Variants in SPATS2L observed in about 807,000 individuals in gnomAD.
SPATS2L encodes spermatogenesis associated serine rich 2 like, also known as SPATS2-like protein.
Under a neutral mutation model 59.6 loss-of-function variants are expected in SPATS2L, and 30 were observed. The ratio of observed to expected loss-of-function variants is 0.50; its 90% confidence interval spans 0.38 to 0.68. SPATS2L has a LOEUF of 0.68. Ranked by LOEUF, SPATS2L falls within the 30% of genes least tolerant of loss-of-function variation. The pLI, the probability that SPATS2L is intolerant of heterozygous loss-of-function variation, is 0.00. For synonymous variants in SPATS2L, 252 were observed against 263.5 expected (o/e 0.96, Z 0.42); for missense variants, 615 against 700.0 (o/e 0.88, Z 1.37).
At chr2:200,394,920 G>A (rs1209528868) in intron 3 of SPATS2L, among the ~76,000 whole-genome samples, 2 of 151,954 alleles carry the variant, frequency 1.3e-5, no homozygotes, top group African/African-American at 2.4e-5. Flanking sequence ...CCTGCTGCAT[G>A]AAATAAAAAA....
chr2:200,456,168 C>G (rs1490458811), intron 8 of SPATS2L, among the ~76,000 whole-genome samples: 1 of 152,184 alleles, frequency 6.6e-6, no homozygotes, highest in East Asian at 1.9e-4. Flanking sequence ...GTTTATCTGC[C>G]CTGGGCTGGC....
chr2:200,323,261 A>G (rs1265869676), intron 1 of SPATS2L, among the ~76,000 whole-genome samples: 1 of 152,156 alleles, frequency 6.6e-6, no homozygotes, highest in East Asian at 1.9e-4. Context: ...CAGCTCTCAA[A>G]TGGAGATAAT....
At chr2:200,412,508 A>C in intron 4 of SPATS2L, 89 bp downstream of exon 4, 2 of 665,092 alleles carry the variant, frequency 3.0e-6, no homozygotes, top group Non-Finnish European at 5.0e-6. Flanking sequence ...CTGAATATCA[A>C]TTCATTATGT....
chr2:200,461,195 A>C (rs114739903), intron 9 of SPATS2L: 1 of 152,342 alleles, frequency 6.6e-6, no homozygotes, highest in Non-Finnish European at 1.5e-5. Flanking sequence ...ACCGCAAAAG[A>C]AAATCAATTC....
chr2:200,383,476 A>G (rs1014693823), intron 2 of SPATS2L, among the ~76,000 whole-genome samples: 1 of 152,214 alleles, frequency 6.6e-6, no homozygotes, highest in Non-Finnish European at 1.5e-5. Flanking sequence ...GACTAGCCAC[A>G]TTCAAATCTG....
intron 5 of SPATS2L, among the ~76,000 whole-genome samples, chr2:200,417,866 T>G (rs571420306): frequency 3.9e-5 from 6 of 152,318 alleles, no homozygotes; most frequent in African/African-American, 1.2e-4. Context: ...ATTCAGCAGG[T>G]GGGACAGGGT....
rs78710318 is a variant in SPATS2L at position 200,419,761 on chromosome 2, G to A, written c.445+265G>A. On this transcript the variant is annotated intron_variant, in intron 6 of 12. Transcript: ENST00000409140. ...GGGTCTTGCTGTGCAAGGCTAGAGT[G>A]CAGTGGTGTGGTCATAGCTCACTGC... Among the ~76,000 whole-genome samples, 713 of 147,596 alleles carry A rather than the reference G, an allele frequency of 4.8e-3. 3 individuals carry two copies. The highest frequency in any genetic ancestry group is 0.017 in the African/African-American group (670 of 39,814).
At chr2:200,425,215 G>GC (rs1471631743) in intron 6 of SPATS2L, among the ~76,000 whole-genome samples, 1 of 144,288 alleles carries the variant, frequency 6.9e-6, no homozygotes, top group Non-Finnish European at 1.5e-5. Flanking sequence ...ATTGTGGTAG[G>GC]CGGTTCCCCA....
At chr2:200,306,319 A>G, upstream of SPATS2L, 2 of 1,002,372 alleles carry the variant, frequency 2.0e-6, no homozygotes, top group Non-Finnish European at 2.4e-6. Flanking sequence ...CTCTTGCAAC[A>G]CGTGCGGATT....
Position 200,433,924 on chromosome 2 carries a change from A to G in SPATS2L, c.446-5198A>G, listed in dbSNP as rs140951109. Among the ~76,000 whole-genome samples, 387 of 152,176 alleles carry G rather than the reference A, an allele frequency of 2.5e-3. 4 individuals carry two copies. The highest frequency in any genetic ancestry group is 9.0e-3 in the African/African-American group (373 of 41,572). On this transcript the variant is annotated intron_variant, in intron 6 of 12. Coordinates refer to ENST00000409140, the MANE Select transcript of SPATS2L (RefSeq NM_001100423.2). ...CAGTTTCAGAAAATAGAAAGAAGGA[A>G]TACTTCCTAACTCATTTTATGAGGC...
At chr2:200,352,058 A>G (rs905381386) in intron 2 of SPATS2L, among the ~76,000 whole-genome samples, 4 of 152,076 alleles carry the variant, frequency 2.6e-5, no homozygotes, top group African/African-American at 7.2e-5. Context: ...TTGAAGAAAG[A>G]GCCAGAGACT....
Position 200,481,937 on chromosome 2 carries a change from C to G in SPATS2L, c.*3906C>G, listed in dbSNP as rs547602381. The G allele has an allele frequency of 6.6e-6, 1 of 152,308 alleles. No individual in the cohort carries two copies. Among genetic ancestry groups the G allele is most frequent in the Admixed American group, 6.5e-5 (1 of 15,282 alleles). The allele number at this position is 152,308 out of a possible 1,614,324, so 9.4% of individuals were successfully genotyped here. A position where few individuals can be genotyped will look rare whatever the true frequency, so the allele number is the denominator to read the frequency against. On this transcript the variant is annotated 3_prime_UTR_variant, in exon 13 of 13. Transcript: ENST00000409140. The stretch of plus-strand genomic sequence containing the variant: ...CCTCGTGATCCACCCCCCTCGGCCT[C>G]CCAAAGTGCTGGGATTACAGGGGTG...
intron 2 of SPATS2L, among the ~76,000 whole-genome samples, chr2:200,364,391 G>A (rs554951076): frequency 6.6e-6 from 1 of 152,200 alleles, no homozygotes; most frequent in East Asian, 1.9e-4. Flanking sequence ...CTTAGCATAG[G>A]GAACATAGTG....
intron 2 of SPATS2L, among the ~76,000 whole-genome samples, chr2:200,369,169 T>G (rs958154174): frequency 6.6e-6 from 1 of 152,116 alleles, no homozygotes; most frequent in Non-Finnish European, 1.5e-5. Context: ...TTTATTTATT[T>G]ATTTTTTGAG....
At chr2:200,307,211 G>C (rs1559025636) in intron 1 of SPATS2L, among the ~76,000 whole-genome samples, 2 of 151,598 alleles carry the variant, frequency 1.3e-5, no homozygotes, top group African/African-American at 2.4e-5. Flanking sequence ...CCCCGGGCGA[G>C]CGTGTGGCCG....
chr2:200,381,754 G>A (rs1454066220), intron 2 of SPATS2L, among the ~76,000 whole-genome samples: 1 of 152,144 alleles, frequency 6.6e-6, no homozygotes, highest in Non-Finnish European at 1.5e-5. Flanking sequence ...CAAAATCAGT[G>A]CTGATTCTTC....
intron 2 of SPATS2L, among the ~76,000 whole-genome samples, chr2:200,360,985 G>GTGTGTA (rs1245907026): frequency 1.3e-5 from 2 of 151,166 alleles, no homozygotes; most frequent in Non-Finnish European, 3.0e-5. Flanking sequence ...GTGTGTGTGT[G>GTGTGTA]TGTGTGTGTG....
chr2:200,388,137 G>T (rs559837143), intron 2 of SPATS2L, among the ~76,000 whole-genome samples: 1 of 152,118 alleles, frequency 6.6e-6, no homozygotes, highest in Admixed American at 6.5e-5. Flanking sequence ...TATCAATCTG[G>T]AATGTTGCTC....
intron 2 of SPATS2L, among the ~76,000 whole-genome samples, chr2:200,348,053 GAT>G (rs1156557173): frequency 6.6e-6 from 1 of 152,170 alleles, no homozygotes; most frequent in Non-Finnish European, 1.5e-5. Context: ...ATGGCTTGCT[GAT>G]ATAGCAGAGG....
Sources: gnomAD v4.1 joint callset for allele counts (sites outside exome capture counted in the v4.1 genomes callset) on GRCh38, gnomAD v4.1.1 for gene constraint, MANE v1.5 for transcripts, NCBI Gene and HGNC (gene_info 2026-07-23, HGNC 2026-07-21) for gene names.